The following SAFB2 variants were observed in gnomAD, a reference collection of about 807,000 sequenced individuals.
SAFB2 encodes scaffold attachment factor B2.
In SAFB2, 32 loss-of-function variants were observed where a neutral mutation model predicts 100.6. That is an observed-to-expected ratio of 0.32 (90% confidence interval 0.24 to 0.43). The LOEUF (loss-of-function observed/expected upper bound fraction) is 0.43. SAFB2 is among the 20% of genes least tolerant of loss of function. The pLI, the probability that SAFB2 is intolerant of heterozygous loss-of-function variation, is 1.00. For missense variants in SAFB2, 1,185 were observed against 1,163.4 expected (o/e 1.02, Z -0.27); for synonymous variants, 500 against 439.4 (o/e 1.14, Z -1.72).
In SAFB2 at chr19:5,598,852, C is replaced by T; in HGVS notation, c.1723G>A (p.Asp575Asn). ...ATGACGGGCTCTCCTTTCGATTTAT[C>T]CATCACGACCGTCCGCTCCATTCCT... ...SRGMERTVVM[D>N]KSKGEPVISV... The change falls in exon 13 of 21, where the codon GAT (aspartate) becomes AAT (asparagine). Residue 575 changes from aspartate to asparagine, a missense_variant. Asp to Asn is a conservative substitution (Grantham distance 23). Around this residue, in one of 3 missense-constraint regions of SAFB2, gnomAD observed 740 missense variants for 687.1 expected, o/e 1.08. Coordinates refer to ENST00000252542, the MANE Select transcript of SAFB2 (RefSeq NM_014649.3). 6.2e-7 allele frequency: 1 copy of T among 1,614,154 alleles called. No homozygotes were observed. The highest frequency in any genetic ancestry group is 8.5e-7 in the Non-Finnish European group (1 of 1,180,034).
chr19:5,613,340 C>T (rs2052950490), intron 5 of SAFB2, 125 bp downstream of exon 5: 1 of 860,786 alleles, frequency 1.2e-6, no homozygotes, highest in Non-Finnish European at 1.8e-6. Context: ...TTCTGCTAAC[C>T]TCTTAACCCC....
chr19:5,599,140 C>T (rs739941), intron 12 of SAFB2, among the ~76,000 whole-genome samples: 3,062 of 152,222 alleles, frequency 0.02, 48 homozygotes, highest in East Asian at 0.073. Context: ...ACCTGCAGCA[C>T]GCACACAAGC....
At chr19:5,591,653 T>C in intron 17 of SAFB2, 95 bp downstream of exon 17, 5 of 1,259,144 alleles carry the variant, frequency 4.0e-6, no homozygotes, top group Non-Finnish European at 5.7e-6. Context: ...GGTTGCCACC[T>C]CTCTGGGATC....
chr19:5,616,472 C>T lies in SAFB2; in HGVS notation c.289G>A (p.Glu97Lys). Reference protein sequence around the residue: ...KRCVKGLKMEEEGTEDNGLED... With the variant: ...KRCVKGLKMEKEGTEDNGLED... ...AGGCCATTATCTTCTGTGCCTTCCT[C>T]CTCCATCTTCAGTCCTAATTACAGA... The change falls in exon 3 of 21, where the codon GAG becomes AAG. Residue 97 changes from glutamate to lysine, a missense_variant. Glu to Lys is a moderately conservative substitution (Grantham distance 56, BLOSUM62 1). Around this residue, in one of 3 missense-constraint regions of SAFB2, gnomAD observed 351 missense variants for 341.2 expected, o/e 1.03. Transcript: ENST00000252542. 3 of 1,613,876 alleles carry T rather than the reference C, an allele frequency of 1.9e-6. No individual in the cohort carries two copies. The highest frequency in any genetic ancestry group is 2.5e-6 in the Non-Finnish European group (3 of 1,179,890).
Position 5,587,642 on chromosome 19 carries a change from AGGGAG to A in SAFB2, c.2705+54_2705+58del. ...AGCCAGCTGATCAAACATGCAAAAA[AGGGAG>A]AGGAAGTGAGGAGCAGGAGTGAACC... On this transcript the variant is annotated intron_variant, in intron 20 of 20. Coordinates refer to ENST00000252542, the MANE Select transcript of SAFB2 (RefSeq NM_014649.3). This position sits in a 1 kb window ranked among gnomAD's most constrained non-coding sequence, Gnocchi z 4.9. The A allele has an allele frequency of 6.7e-7, 1 of 1,491,660 alleles. No individual in the cohort carries two copies. Among genetic ancestry groups the A allele is most frequent in the South Asian group, 1.3e-5 (1 of 77,750 alleles). 92.4% of individuals were successfully genotyped at this position (1,491,660 alleles called of 1,614,324 possible).
intron 17 of SAFB2, chr19:5,591,175 A>G (rs1331962131): frequency 1.3e-5 from 2 of 152,296 alleles, no homozygotes; most frequent in Non-Finnish European, 2.9e-5. Context: ...GACAATGAAG[A>G]GACACATGAG....
rs765760770 is a variant in SAFB2 at position 5,622,767 on chromosome 19, T to C, written c.-52A>G. On this transcript the variant is annotated 5_prime_UTR_variant, in exon 1 of 21. Coordinates refer to ENST00000252542, the MANE Select transcript of SAFB2 (RefSeq NM_014649.3). ...CTCAGTCGCACACCGCCGGCAGCTA[T>C]AGCGGCTCTGAACACAAAATGGCGC... 4.9e-5 allele frequency: 76 copies of C among 1,545,664 alleles called. No individual in the cohort carries two copies. The highest frequency in any genetic ancestry group is 3.2e-4 in the South Asian group (27 of 85,372).
At chr19:5,609,646 G>C (rs2052862506) in intron 9 of SAFB2, among the ~76,000 whole-genome samples, 1 of 152,178 alleles carries the variant, frequency 6.6e-6, no homozygotes, top group Non-Finnish European at 1.5e-5. Context: ...TTTGAGACCA[G>C]TTAGAAAGAA....
rs894666184 is a variant in SAFB2 at position 5,609,918 on chromosome 19, G to T, written c.1296+77C>A. 3 of 1,277,262 alleles carry T rather than the reference G, an allele frequency of 2.3e-6. No individual in the cohort carries two copies. In the African/African-American group the frequency reaches 4.4e-5, roughly 19 times the overall value. The allele number at this position is 1,277,262 out of a possible 1,614,324, so 79.1% of individuals were successfully genotyped here. A position where few individuals can be genotyped will look rare whatever the true frequency, so the allele number is the denominator to read the frequency against. ...CTCCCAAACTGCTGGGATTATAGAC[G>T]TGAACCACCGTGCCCAGCAGAGCTT... On this transcript the variant is annotated intron_variant, in intron 9 of 20. Coordinates refer to ENST00000252542, the MANE Select transcript of SAFB2 (RefSeq NM_014649.3).
rs754876437 is a variant in SAFB2 at position 5,593,959 on chromosome 19, C to T, written c.2139G>A (p.Arg713=). ...ERIHREREEL[R]RQQEQLRYEQ... ...CGTAACGCAGCTGCTCCTGCTGGCGCCGCAGCTCCTCGCGCTCGCGGTGGA... is the reference window on the plus strand; with the variant it reads ...CGTAACGCAGCTGCTCCTGCTGGCGTCGCAGCTCCTCGCGCTCGCGGTGGA... Residue 713 remains arginine (R), a synonymous_variant, in exon 15 of 21, where the codon CGG becomes CGA. Coordinates refer to ENST00000252542, the MANE Select transcript of SAFB2 (RefSeq NM_014649.3). The T allele has an allele frequency of 1.3e-6, 2 of 1,556,144 alleles. No individual in the cohort carries two copies. The highest frequency in any genetic ancestry group is 3.7e-5 in the Admixed American group (2 of 53,990).
rs1400154104 is a variant in SAFB2, at chr19:5,616,149, G to C, written c.526C>G (p.Gln176Glu). Reference sequence around the variant, plus strand: ...TTACCTACAGCATGCTCTGGGGGCTGAGCCGGGAGCTGTCTCAGCTGTGCA... The same window carrying C: ...TTACCTACAGCATGCTCTGGGGGCTCAGCCGGGAGCTGTCTCAGCTGTGCA... ...VAAQLRQLPA[Q>E]PPEHAVDGEG... Residue 176 changes from glutamine to glutamate, a missense_variant, in exon 4 of 21, where the codon CAG becomes GAG. Coordinates refer to ENST00000252542, the MANE Select transcript of SAFB2 (RefSeq NM_014649.3). The C allele has an allele frequency of 1.2e-6, 2 of 1,614,176 alleles. No individual in the cohort carries two copies. The highest frequency in any genetic ancestry group is 3.3e-5 in the Admixed American group (2 of 60,034).
Position 5,616,345 on chromosome 19 carries a change from G to C in SAFB2, c.340-10C>G. On this transcript the variant is annotated splice_polypyrimidine_tract_variant and intron_variant, in intron 3 of 20. Coordinates refer to ENST00000252542, the MANE Select transcript of SAFB2 (RefSeq NM_014649.3). ...TTGCTTCCATGTCCTCCTGTAAAGA[G>C]GAAGAAGAATCGTTAACGACCACCT... 1.2e-6 allele frequency: 2 copies of C among 1,614,074 alleles called. No individual in the cohort carries two copies. The highest frequency in any genetic ancestry group is 1.7e-6 in the Non-Finnish European group (2 of 1,179,996).
intron 2 of SAFB2, among the ~76,000 whole-genome samples, chr19:5,617,345 A>G (rs994844006): frequency 6.6e-6 from 1 of 152,206 alleles, no homozygotes; most frequent in South Asian, 2.1e-4. Context: ...GTGACCACAA[A>G]ATAACTATTT....
rs531864535 is a variant in SAFB2 at position 5,607,449 on chromosome 19, A to G, written c.1297-2513T>C. 5.4e-4 allele frequency among the ~76,000 whole-genome samples: 82 copies of G among 152,212 alleles called. 1 individual carries two copies. Among genetic ancestry groups the G allele is most frequent in the Admixed American group, 2.4e-3 (36 of 15,282 alleles). Reference sequence around the variant, plus strand: ...AAGTATATTCCCACAGAGTTCTTGCACTACGCTGAAACCAACAGAGCACCC... The same window carrying G: ...AAGTATATTCCCACAGAGTTCTTGCGCTACGCTGAAACCAACAGAGCACCC... On this transcript the variant is annotated intron_variant, in intron 9 of 20. Coordinates refer to ENST00000252542, the MANE Select transcript of SAFB2 (RefSeq NM_014649.3).
intron 16 of SAFB2, 75 bp downstream of exon 16, chr19:5,592,672 G>GAACCCCTGCTGAGAACCCCT: frequency 6.4e-7 from 1 of 1,557,442 alleles, no homozygotes; most frequent in Non-Finnish European, 8.8e-7. Context: ...CCCTGCACTG[G>GAACCCCTGCTGAGAACCCCT]GCTGAGAACG....
intron 9 of SAFB2, among the ~76,000 whole-genome samples, chr19:5,605,233 T>G (rs931014519): frequency 6.6e-6 from 1 of 151,942 alleles, no homozygotes; most frequent in African/African-American, 2.4e-5. Context: ...GCCTCCGAAG[T>G]AGCTGGGATT....
intron 9 of SAFB2, among the ~76,000 whole-genome samples, chr19:5,607,749 C>T (rs538893946): frequency 6.6e-6 from 1 of 152,240 alleles, no homozygotes; most frequent in African/African-American, 2.4e-5. Flanking sequence ...CTCAGGGCAT[C>T]AACCTAAGCA....
intron 12 of SAFB2, among the ~76,000 whole-genome samples, chr19:5,599,854 T>C (rs1044224963): frequency 6.6e-6 from 1 of 152,170 alleles, no homozygotes; most frequent in African/African-American, 2.4e-5. Flanking sequence ...AATCCCACAC[T>C]ACAATCAGCC....
intron 6 of SAFB2, chr19:5,611,897 CT>C (rs2052915954): frequency 1.7e-6 from 1 of 583,256 alleles, no homozygotes; most frequent in African/African-American, 1.9e-5. Context: ...TCTCAATAGT[CT>C]TCTTCGAGTT....
Sources: gnomAD v4.1 joint callset for allele counts (sites outside exome capture counted in the v4.1 genomes callset) on GRCh38, gnomAD v4.1.1 for gene constraint, gnomAD v4.1.1 regional missense constraint, Gnocchi (gnomAD v3.1) non-coding constraint, MANE v1.5 for transcripts, NCBI Gene and HGNC (gene_info 2026-07-23, HGNC 2026-07-21) for gene names.